The following ADGRB3 variants were observed in gnomAD, a reference collection of about 807,000 sequenced individuals.
The protein encoded by ADGRB3 is brain-specific angiogenesis inhibitor 3.
Under a neutral mutation model 193.4 loss-of-function variants are expected in ADGRB3, and 37 were observed. The observed-to-expected ratio is 0.19, with a 90% CI of 0.15 to 0.25. The LOEUF (loss-of-function observed/expected upper bound fraction) is 0.25. Among genes scored for constraint, ADGRB3 ranks in the 10% least tolerant of loss-of-function variants. ADGRB3 has a pLI of 1.00. For missense variants in ADGRB3, 1,637 were observed against 1,852.9 expected (o/e 0.88, Z 2.14); for synonymous variants, 690 against 644.2 (o/e 1.07, Z -1.08).
chr6:69,213,731 G>C (rs1477413955), intron 17 of ADGRB3, among the ~76,000 whole-genome samples: 3 of 152,006 alleles, frequency 2.0e-5, no homozygotes, highest in South Asian at 4.2e-4. Context: ...ATGTTCAAAT[G>C]CCACCTTAAA....
chr6:68,759,335 CATTT>C (rs1255217452), intron 3 of ADGRB3, among the ~76,000 whole-genome samples: 1 of 151,968 alleles, frequency 6.6e-6, no homozygotes, highest in Admixed American at 6.6e-5. Flanking sequence ...ATTTGCTATT[CATTT>C]ATCAGTTCAA....
intron 20 of ADGRB3, among the ~76,000 whole-genome samples, chr6:69,320,518 G>A (rs553551933): frequency 6.6e-6 from 1 of 151,490 alleles, no homozygotes; most frequent in African/African-American, 2.4e-5. Flanking sequence ...CTTTCAAAGA[G>A]GATCTTGAGG....
chr6:68,915,257 A>G (rs897062976), intron 3 of ADGRB3, among the ~76,000 whole-genome samples: 2 of 150,418 alleles, frequency 1.3e-5, no homozygotes, highest in African/African-American at 4.9e-5. Flanking sequence ...CATCAGCTTC[A>G]TAAGTAAAAT....
At chr6:68,945,665 T>C (rs972981657) in intron 6 of ADGRB3, among the ~76,000 whole-genome samples, 2 of 152,146 alleles carry the variant, frequency 1.3e-5, no homozygotes, top group African/African-American at 4.8e-5. Flanking sequence ...TTCTTTTATG[T>C]CAGCTGGACT....
At chr6:69,139,383 C>G (rs926291401) in intron 17 of ADGRB3, among the ~76,000 whole-genome samples, 7 of 152,158 alleles carry the variant, frequency 4.6e-5, no homozygotes, top group African/African-American at 7.2e-5. Context: ...ACTGCTGATA[C>G]AGGAATTTCA....
intron 17 of ADGRB3, among the ~76,000 whole-genome samples, chr6:69,187,545 C>T (rs1263320754): frequency 6.6e-6 from 1 of 152,132 alleles, no homozygotes; most frequent in African/African-American, 2.4e-5. Flanking sequence ...AGAAATGTAC[C>T]ATCAATAATA....
Position 69,337,916 on chromosome 6 carries a change from A to T in ADGRB3, c.3189-1000A>T, listed in dbSNP as rs567524754. 2.5e-4 allele frequency among the ~76,000 whole-genome samples: 38 copies of T among 152,316 alleles called. No homozygotes were observed. The South Asian group carries it at 3.5e-3, about 14-fold the overall frequency. On this transcript the variant is annotated intron_variant, in intron 24 of 31. Coordinates refer to ENST00000370598, the MANE Select transcript of ADGRB3 (RefSeq NM_001704.3). ...ATTCTTTAAGAAAACCTACAGAGTA[A>T]TCATTTTAGACATAGATACCACATA...
At chr6:68,811,194 A>G (rs1266407615) in intron 3 of ADGRB3, among the ~76,000 whole-genome samples, 1 of 152,090 alleles carries the variant, frequency 6.6e-6, no homozygotes, top group Non-Finnish European at 1.5e-5. Context: ...TATTGACTTA[A>G]TATCTATTTC....
At chr6:69,157,607 T>C (rs1420232012) in intron 17 of ADGRB3, among the ~76,000 whole-genome samples, 1 of 151,648 alleles carries the variant, frequency 6.6e-6, no homozygotes, top group Non-Finnish European at 1.5e-5. Context: ...CATGTATGTG[T>C]GGCAGAGGGG....
intron 3 of ADGRB3, among the ~76,000 whole-genome samples, chr6:68,868,134 C>T (rs1278635318): frequency 6.6e-6 from 1 of 152,142 alleles, no homozygotes; most frequent in Admixed American, 6.5e-5. Flanking sequence ...ACCCAAATCT[C>T]ATGTTTAATT....
intron 8 of ADGRB3, among the ~76,000 whole-genome samples, chr6:68,965,148 G>GAT (rs1768342710): frequency 6.6e-6 from 1 of 152,164 alleles, no homozygotes; most frequent in African/African-American, 2.4e-5. Context: ...AAATATTGCT[G>GAT]ATATAATTGT....
chr6:69,124,228 C>T (rs1414694971), intron 17 of ADGRB3, among the ~76,000 whole-genome samples: 1 of 152,042 alleles, frequency 6.6e-6, no homozygotes, highest in Non-Finnish European at 1.5e-5. Context: ...AGATTCTGAT[C>T]TTTTTGTGTC....
chr6:68,804,760 A>T (rs541913953), intron 3 of ADGRB3, among the ~76,000 whole-genome samples: 10 of 152,234 alleles, frequency 6.6e-5, no homozygotes, highest in South Asian at 2.1e-4. Context: ...ACTAAAACAA[A>T]ATTAAATATT....
At position 69,210,931 on chromosome 6, in the gene ADGRB3, C is replaced by T. The variant is rs537027848; in HGVS notation, c.2481-22359C>T. The stretch of plus-strand genomic sequence containing the variant: ...GAGATCGAGACAATCCTGGCTAACA[C>T]GGTGAAACCCCGTCTCTACCAAAAA... On this transcript the variant is annotated intron_variant, in intron 17 of 31. Coordinates refer to ENST00000370598, the MANE Select transcript of ADGRB3 (RefSeq NM_001704.3). 2.8e-4 allele frequency among the ~76,000 whole-genome samples: 42 copies of T among 151,380 alleles called. No individual in the cohort carries two copies. In the South Asian group the frequency reaches 3.8e-3, roughly 14 times the overall value.
At chr6:69,085,161 T>C (rs1368245864) in intron 17 of ADGRB3, among the ~76,000 whole-genome samples, 1 of 152,148 alleles carries the variant, frequency 6.6e-6, no homozygotes, top group Non-Finnish European at 1.5e-5. Context: ...GTGTCTCTAC[T>C]GTGTGAAATG....
chr6:69,040,706 A>AC (rs1771037164), intron 13 of ADGRB3, among the ~76,000 whole-genome samples: 3 of 110,374 alleles, frequency 2.7e-5, no homozygotes, highest in African/African-American at 1.1e-4. Context: ...AAAAAAAAAA[A>AC]AAACAAACAA....
intron 3 of ADGRB3, among the ~76,000 whole-genome samples, chr6:68,894,001 A>G (rs1169451374): frequency 6.6e-6 from 1 of 151,974 alleles, no homozygotes; most frequent in East Asian, 1.9e-4. Flanking sequence ...TTATTTTTAG[A>G]TGATATATTT....
chr6:69,194,638 C>T (rs1765261539), intron 17 of ADGRB3, among the ~76,000 whole-genome samples: 2 of 152,148 alleles, frequency 1.3e-5, no homozygotes, highest in South Asian at 2.1e-4. Context: ...TCACTTTAAC[C>T]TCTGGTAAGG....
chr6:69,165,041 G>T (rs933111616), intron 17 of ADGRB3, among the ~76,000 whole-genome samples: 13 of 150,884 alleles, frequency 8.6e-5, no homozygotes, highest in Non-Finnish European at 1.6e-4. Context: ...TCTCCTTACT[G>T]CTCACTCCAA....
Sources: allele counts gnomAD v4.1 joint callset (sites outside exome capture counted in the v4.1 genomes callset), GRCh38; gene constraint gnomAD v4.1.1; transcripts MANE v1.5; gene names NCBI Gene and HGNC (gene_info 2026-07-23, HGNC 2026-07-21).